HEATR3: variants seen among roughly 807,000 people sequenced by gnomAD.
HEATR3 encodes HEAT repeat containing 3.
In HEATR3, 56 loss-of-function variants were observed where a neutral mutation model predicts 72.8. That is an observed-to-expected ratio of 0.77 (90% CI 0.62 to 0.96). HEATR3 has a LOEUF of 0.96. HEATR3 is among the 40% of genes least tolerant of loss of function. HEATR3 has a pLI of 0.00. For missense variants in HEATR3, 747 were observed against 831.4 expected, an observed-to-expected ratio of 0.90 and a Z score of 1.25; for synonymous variants, 331 against 318.1, an observed-to-expected ratio of 1.04 and a Z score of -0.43.
intron 14 of HEATR3, 147 bp downstream of exon 14, chr16:50,102,582 C>T (rs1354163385): frequency 1.6e-6 from 1 of 611,628 alleles, no homozygotes. Context: ...GTAAAATGTT[C>T]GTTGACTGAG....
chr16:50,070,043 T>C, intron 3 of HEATR3, 135 bp from the exon 4 acceptor site: 2 of 490,634 alleles, frequency 4.1e-6, no homozygotes, highest in Middle Eastern at 3.6e-4. Flanking sequence ...TTTGTACTAC[T>C]GTTTGTAAGG....
chr16:50,096,884 C>T (rs1567445720), intron 12 of HEATR3, among the ~76,000 whole-genome samples: 1 of 152,192 alleles, frequency 6.6e-6, no homozygotes, highest in Non-Finnish European at 1.5e-5. Flanking sequence ...ATTTCCCTCA[C>T]TCCCCTCCTT....
In HEATR3 at chr16:50,106,105, C is replaced by T. The variant is rs564945556; in HGVS notation, c.*1044C>T. 1 of 152,246 alleles carries T rather than the reference C, an allele frequency of 6.6e-6. No individual in the cohort carries two copies. The highest frequency in any genetic ancestry group is 1.9e-4 in the East Asian group (1 of 5,178). The allele number at this position is 152,246 out of a possible 1,614,324, so 9.4% of individuals were successfully genotyped here. ...GCATTGCTTGGATGTTCTTTTAAGG[C>T]ATTTTATATCAGTTGAACCTTAAAC... is the stretch of plus-strand genomic sequence containing the variant. On this transcript the variant is annotated 3_prime_UTR_variant, in exon 15 of 15. Coordinates refer to ENST00000299192, the MANE Select transcript of HEATR3 (RefSeq NM_182922.4).
intron 5 of HEATR3, chr16:50,073,962 C>T (rs1281744784): frequency 6.6e-6 from 1 of 152,150 alleles, no homozygotes; most frequent in African/African-American, 2.4e-5. Context: ...CCCATGTATT[C>T]ATATAACTTT....
chr16:50,084,192 G>A lies in HEATR3; in HGVS notation c.1191G>A (p.Met397Ile). ...GCAGTGATGAAAGTGACGCATTTAT[G>A]GAGAATTCCTTCAGTGAGTGCGGGG... is the stretch of plus-strand genomic sequence containing the variant. ...LSSSDESDAF[M>I]ENSFSECGGQ... Residue 397 changes from methionine (M) to isoleucine (I), a missense_variant, in exon 9 of 15, where the codon ATG (methionine) becomes ATA (isoleucine). Transcript: ENST00000299192. 1 of 1,614,154 alleles carries A rather than the reference G, an allele frequency of 6.2e-7. No individual in the cohort carries two copies. Among genetic ancestry groups the A allele is most frequent in the Non-Finnish European group, 8.5e-7 (1 of 1,180,034 alleles).
At chr16:50,080,093 GAGGACCAGTCAGGAGGCTGCCGA>G (rs2036833493) in intron 7 of HEATR3, 1 of 152,500 alleles carries the variant, frequency 6.6e-6, no homozygotes, top group Non-Finnish European at 1.5e-5. Flanking sequence ...CTGGCAGCAG[GAGGACCAGTCAGGAGGCTGCCGA>G]AGGACGATGA....
At chr16:50,079,147 C>T (rs2036810184) in intron 7 of HEATR3, 129 bp downstream of exon 7, 2 of 838,616 alleles carry the variant, frequency 2.4e-6, no homozygotes, top group South Asian at 1.8e-5. Flanking sequence ...AAAAATGAGT[C>T]ATATTTTCCT....
At chr16:50,087,155 A>T (rs1567438574) in intron 11 of HEATR3, among the ~76,000 whole-genome samples, 2 of 152,052 alleles carry the variant, frequency 1.3e-5, no homozygotes, top group Admixed American at 1.3e-4. Context: ...CATGTATAAG[A>T]GAGCGTGTGT....
chr16:50,102,171 A>G, intron 13 of HEATR3, 88 bp from the exon 14 acceptor site: 1 of 1,025,966 alleles, frequency 9.7e-7, no homozygotes, highest in Non-Finnish European at 1.4e-6. Flanking sequence ...TATATAAAAT[A>G]GTATGCATGA....
intron 6 of HEATR3, among the ~76,000 whole-genome samples, chr16:50,076,820 C>T (rs2036740701): frequency 6.6e-6 from 1 of 151,060 alleles, no homozygotes; most frequent in Non-Finnish European, 1.5e-5. Context: ...CTGCCTCAGT[C>T]TCCTGAATAG....
At chr16:50,098,071 A>G (rs2037283582) in intron 12 of HEATR3, among the ~76,000 whole-genome samples, 1 of 152,100 alleles carries the variant, frequency 6.6e-6, no homozygotes, top group East Asian at 1.9e-4. Flanking sequence ...GGAAATAGGC[A>G]TTTTTTTAGG....
In HEATR3 at chr16:50,066,051, A is replaced by G; in HGVS notation, c.-81A>G. 3 of 1,433,154 alleles carry G rather than the reference A, an allele frequency of 2.1e-6. No homozygotes were observed. The highest frequency in any genetic ancestry group is 1.5e-5 in the African/African-American group (1 of 65,988). 88.8% of individuals were successfully genotyped at this position (1,433,154 alleles called of 1,614,324 possible). A position where few individuals can be genotyped will look rare whatever the true frequency, so the allele number is the denominator to read the frequency against. ...CGGCCCAGCTGAGCAGCAGCAACGG[A>G]CCTTGTTAACGGCGCGGCAGCCTCC... On this transcript the variant is annotated 5_prime_UTR_variant, in exon 1 of 15. Transcript: ENST00000299192.
At chr16:50,071,046 C>T (rs1466368448) in intron 4 of HEATR3, among the ~76,000 whole-genome samples, 1 of 152,118 alleles carries the variant, frequency 6.6e-6, no homozygotes, top group Non-Finnish European at 1.5e-5. Flanking sequence ...GAAGTAGATG[C>T]CTAAGAAGAG....
intron 11 of HEATR3, among the ~76,000 whole-genome samples, chr16:50,093,008 A>C (rs771152797): frequency 5.9e-5 from 9 of 152,204 alleles, no homozygotes; most frequent in Non-Finnish European, 1.2e-4. Context: ...AGGCAGGAGG[A>C]GTCACATAAT....
intron 4 of HEATR3, 112 bp downstream of exon 4, chr16:50,070,402 G>GT (rs1204941556): frequency 3.5e-5 from 16 of 459,688 alleles, no homozygotes; most frequent in Non-Finnish European, 5.5e-5. Flanking sequence ...AATCTGGGAT[G>GT]TTAAGACATG....
intron 7 of HEATR3, 42 bp downstream of exon 7, chr16:50,079,060 GT>G (rs66756058): frequency 0.98 from 1,272,112 of 1,291,644 alleles, 626,293 homozygotes; most frequent in Admixed American, 0.99. Context: ...TAATACAGCT[GT>G]TTTTTTTTTC....
At chr16:50,092,979 T>C (rs1395318980) in intron 11 of HEATR3, among the ~76,000 whole-genome samples, 1 of 152,202 alleles carries the variant, frequency 6.6e-6, no homozygotes, top group Admixed American at 6.5e-5. Flanking sequence ...AGGTAACATT[T>C]GAGCCAAGAC....
chr16:50,096,619 C>A (rs572072905), intron 12 of HEATR3, among the ~76,000 whole-genome samples: 1 of 151,716 alleles, frequency 6.6e-6, no homozygotes, highest in Admixed American at 6.6e-5. Flanking sequence ...GCCAACGTGG[C>A]GAAACCCTAT....
Position 50,084,127 on chromosome 16 carries a change from T to C in HEATR3, c.1133-7T>C. ...TTCCAGTTCTGCGTGGTTTGCCCGC[T>C]TCCCAGATCCCTCTGATGACGAATG... On this transcript the variant is annotated splice_region_variant and splice_polypyrimidine_tract_variant and intron_variant, in intron 8 of 14. Transcript: ENST00000299192. 1 of 1,614,138 alleles carries C rather than the reference T, an allele frequency of 6.2e-7. No individual in the cohort carries two copies. Among genetic ancestry groups the C allele is most frequent in the Non-Finnish European group, 8.5e-7 (1 of 1,180,010 alleles).
Sources: gnomAD v4.1 joint callset for allele counts (sites outside exome capture counted in the v4.1 genomes callset) on GRCh38, gnomAD v4.1.1 for gene constraint, MANE v1.5 for transcripts, NCBI Gene and HGNC (gene_info 2026-07-23, HGNC 2026-07-21) for gene names.